The following NCOA1 variants were observed in gnomAD, a reference collection of about 807,000 sequenced individuals.
NCOA1 encodes Hin-2 protein.
In NCOA1, 35 loss-of-function variants were observed where a neutral mutation model predicts 150.9. The observed-to-expected ratio is 0.23, with a 90% CI of 0.18 to 0.31. The LOEUF (loss-of-function observed/expected upper bound fraction) is 0.31. Among genes scored for constraint, NCOA1 ranks in the 10% least tolerant of loss-of-function variants. The pLI is 1.00. For missense variants in NCOA1, 1,491 were observed against 1,749.3 expected (o/e 0.85, Z 2.63); for synonymous variants, 590 against 630.0 (o/e 0.94, Z 0.95).
chr2:24,686,414 A>G (rs529653889), intron 8 of NCOA1, among the ~76,000 whole-genome samples: 1 of 152,276 alleles, frequency 6.6e-6, no homozygotes, highest in East Asian at 1.9e-4. Context: ...TTTAAACATT[A>G]TCAGGGGCAT....
rs577315254 is a variant in NCOA1 at position 24,690,375 on chromosome 2, C to T, written c.533-1106C>T. Among the ~76,000 whole-genome samples, 14 of 152,028 alleles carry T rather than the reference C, an allele frequency of 9.2e-5. 1 individual carries two copies. Among genetic ancestry groups the T allele is most frequent in the African/African-American group, 3.4e-4 (14 of 41,496 alleles). The stretch of plus-strand genomic sequence containing the variant: ...GGGAACAGTAAAAAAGCAGCCTTGG[C>T]CAGGCGTGGTGGCTCACACCTGTAA... On this transcript the variant is annotated intron_variant, in intron 8 of 22. Transcript: ENST00000348332.
intron 1 of NCOA1, among the ~76,000 whole-genome samples, chr2:24,526,445 T>G (rs1338786985): frequency 6.6e-6 from 1 of 152,118 alleles, no homozygotes; most frequent in Non-Finnish European, 1.5e-5. Flanking sequence ...GCCATGGATT[T>G]AGGGGCAGAA....
chr2:24,655,272 C>T (rs1473323627), intron 4 of NCOA1, among the ~76,000 whole-genome samples: 1 of 152,144 alleles, frequency 6.6e-6, no homozygotes, highest in African/African-American at 2.4e-5. Context: ...TTGCTGAGTA[C>T]ATATTACCAA....
chr2:24,569,827 G>A (rs1245764145), intron 2 of NCOA1, among the ~76,000 whole-genome samples: 1 of 147,534 alleles, frequency 6.8e-6, no homozygotes, highest in Admixed American at 6.8e-5. Context: ...CCAAGATCGC[G>A]CCACTGCACT....
chr2:24,729,955 C>T (rs1662908069), intron 17 of NCOA1, 140 bp downstream of exon 17: 2 of 832,500 alleles, frequency 2.4e-6, no homozygotes, highest in South Asian at 1.8e-5. Flanking sequence ...AAGCAATTCT[C>T]CTGCCTCAGA....
rs756040489 is a variant in NCOA1 at position 24,752,141 on chromosome 2, C to T, written c.3866C>T (p.Ala1289Val). 6 of 1,613,632 alleles carry T rather than the reference C, an allele frequency of 3.7e-6. No homozygotes were observed. The highest frequency in any genetic ancestry group is 2.7e-5 in the African/African-American group (2 of 74,874). Reference sequence around the variant, plus strand: ...GACATGAAGGCCTGGCAGCAAGGAGCGATAGGAAACAACAAGTAAGGGGGC... The same window carrying T: ...GACATGAAGGCCTGGCAGCAAGGAGTGATAGGAAACAACAAGTAAGGGGGC... ...SPDMKAWQQG[A>V]IGNNNVFSQA... is the part of the protein sequence containing the mutation. The change falls in exon 20 of 23, where the codon GCG becomes GTG. Residue 1289 changes from alanine to valine, a missense_variant. Around this residue, in one of 8 missense-constraint regions of NCOA1, gnomAD observed 485 missense variants for 522.8 expected, o/e 0.93. Coordinates refer to ENST00000348332, the MANE Select transcript of NCOA1 (RefSeq NM_003743.5).
intron 11 of NCOA1, among the ~76,000 whole-genome samples, chr2:24,698,752 T>C (rs56012184): frequency 0.027 from 4,085 of 152,348 alleles, 86 homozygotes; most frequent in Non-Finnish European, 0.039. Context: ...TTCATTATTT[T>C]GTCATTCTTA....
At chr2:24,575,145 T>G (rs998240500) in intron 2 of NCOA1, among the ~76,000 whole-genome samples, 1 of 152,204 alleles carries the variant, frequency 6.6e-6, no homozygotes. Flanking sequence ...TGTGTGTTGC[T>G]GCAAATCAGT....
intron 9 of NCOA1, 54 bp downstream of exon 9, chr2:24,691,714 A>C (rs1259101621): frequency 1.0e-5 from 16 of 1,556,150 alleles, no homozygotes; most frequent in Non-Finnish European, 1.3e-5. Context: ...CTTTAAGGAA[A>C]AGAGAGGAAA....
chr2:24,677,096 C>T (rs1282991372), intron 7 of NCOA1, among the ~76,000 whole-genome samples: 1 of 152,148 alleles, frequency 6.6e-6, no homozygotes, highest in East Asian at 1.9e-4. Flanking sequence ...GTAATCCCAG[C>T]ACTTTGGGAG....
At chr2:24,702,321 A>G (rs1468103761) in intron 11 of NCOA1, among the ~76,000 whole-genome samples, 1 of 152,266 alleles carries the variant, frequency 6.6e-6, no homozygotes, top group East Asian at 1.9e-4. Context: ...CCTAATAACA[A>G]TTTTTTAATT....
At chr2:24,528,687 T>G (rs1664753371) in intron 1 of NCOA1, among the ~76,000 whole-genome samples, 1 of 152,032 alleles carries the variant, frequency 6.6e-6, no homozygotes, top group African/African-American at 2.4e-5. Flanking sequence ...AAAAAAAGTT[T>G]AAAAATATTT....
intron 1 of NCOA1, among the ~76,000 whole-genome samples, chr2:24,514,016 C>T (rs540109479): frequency 2.6e-5 from 4 of 152,140 alleles, no homozygotes; most frequent in East Asian, 3.9e-4. Context: ...AGGCCAGGTG[C>T]GGTGGCTCAT....
chr2:24,605,504 A>G lies in NCOA1; in HGVS notation c.-175+20944A>G, dbSNP rs1316884365. ...AGTTTGTTCTATTGTTGATTGATAC[A>G]TTGTTTTTTTCTACTATGAACAATT... On this transcript the variant is annotated intron_variant, in intron 3 of 22. Coordinates refer to ENST00000348332, the MANE Select transcript of NCOA1 (RefSeq NM_003743.5). Among the ~76,000 whole-genome samples, 3 of 152,088 alleles carry G rather than the reference A, an allele frequency of 2.0e-5. No homozygotes were observed. In the East Asian group the frequency reaches 5.8e-4, roughly 29 times the overall value.
At chr2:24,625,919 C>A (rs897812940) in intron 3 of NCOA1, among the ~76,000 whole-genome samples, 1 of 152,130 alleles carries the variant, frequency 6.6e-6, no homozygotes, top group Non-Finnish European at 1.5e-5. Context: ...TTCGACTTAT[C>A]AGCATAAATC....
At chr2:24,620,728 TCA>T (rs869080261) in intron 3 of NCOA1, among the ~76,000 whole-genome samples, 2 of 151,190 alleles carry the variant, frequency 1.3e-5, no homozygotes, top group Non-Finnish European at 3.0e-5. Context: ...GTTCACTGGC[TCA>T]CATGTATAAA....
intron 1 of NCOA1, among the ~76,000 whole-genome samples, chr2:24,538,442 G>C (rs938854079): frequency 2.8e-4 from 42 of 152,188 alleles, no homozygotes; most frequent in African/African-American, 9.9e-4. Flanking sequence ...TTTTGTAACG[G>C]GAATCAGAAG....
At chr2:24,623,614 C>G (rs779889705) in intron 3 of NCOA1, among the ~76,000 whole-genome samples, 1 of 152,148 alleles carries the variant, frequency 6.6e-6, no homozygotes, top group Non-Finnish European at 1.5e-5. Flanking sequence ...ACTGCCATAG[C>G]AGAATACCAC....
intron 2 of NCOA1, among the ~76,000 whole-genome samples, chr2:24,568,095 A>G (rs112751364): frequency 8.3e-4 from 127 of 152,298 alleles, no homozygotes; most frequent in African/African-American, 2.8e-3. Flanking sequence ...TCACAGAGTG[A>G]TATCCCCTAT....
Sources: gnomAD v4.1 joint callset for allele counts (sites outside exome capture counted in the v4.1 genomes callset) on GRCh38, gnomAD v4.1.1 for gene constraint, gnomAD v4.1.1 regional missense constraint, MANE v1.5 for transcripts, NCBI Gene and HGNC (gene_info 2026-07-23, HGNC 2026-07-21) for gene names.